The following CEP164 variants were observed in gnomAD, a reference collection of about 807,000 sequenced individuals.
The protein encoded by CEP164 is centrosomal protein of 164 kDa.
Under a neutral mutation model 182.7 loss-of-function variants are expected in CEP164, and 162 were observed. That is an observed-to-expected ratio of 0.89 (90% CI 0.78 to 1.01). The LOEUF is 1.01. CEP164 is among the 50% of genes least tolerant of loss of function. The probability of loss-of-function intolerance (pLI) is 0.00; values close to 1 mark genes in which losing one functional copy is unlikely to be tolerated. For missense variants in CEP164, 1,735 were observed against 1,790.4 expected (o/e 0.97, Z 0.56); for synonymous variants, 661 against 690.0 (o/e 0.96, Z 0.66).
chr11:117,393,711 G>A (rs2045036249), intron 20 of CEP164, among the ~76,000 whole-genome samples: 1 of 152,204 alleles, frequency 6.6e-6, no homozygotes, highest in Non-Finnish European at 1.5e-5. Flanking sequence ...AACATCTTGG[G>A]ACACCAAGAA....
At chr11:117,356,098 A>G in intron 5 of CEP164, 1 of 1,064,716 alleles carries the variant, frequency 9.4e-7, no homozygotes, top group South Asian at 2.7e-5. Flanking sequence ...TGCAGAGCTC[A>G]CGGGGATCTG....
At chr11:117,402,074 A>G (rs2046204611) in intron 27 of CEP164, among the ~76,000 whole-genome samples, 1 of 151,746 alleles carries the variant, frequency 6.6e-6, no homozygotes, top group South Asian at 2.1e-4. Context: ...TAGGGTGTCG[A>G]TTTTAGATCT....
chr11:117,352,515 C>A (rs1183973748), intron 5 of CEP164, among the ~76,000 whole-genome samples: 1 of 152,190 alleles, frequency 6.6e-6, no homozygotes, highest in Admixed American at 6.5e-5. Flanking sequence ...TGGGCTTTAT[C>A]TACTCATCTA....
chr11:117,369,026 C>G (rs923009525), intron 8 of CEP164, among the ~76,000 whole-genome samples: 1 of 152,176 alleles, frequency 6.6e-6, no homozygotes, highest in Non-Finnish European at 1.5e-5. Flanking sequence ...TTTGGGCAGT[C>G]AAGGCTCATA....
chr11:117,379,676 C>A (rs992864456), intron 11 of CEP164, among the ~76,000 whole-genome samples: 12 of 151,934 alleles, frequency 7.9e-5, no homozygotes, highest in African/African-American at 2.9e-4. Context: ...GTTTGCTATC[C>A]CATTTTATAC....
In CEP164 at chr11:117,344,246, G is replaced by A. The variant is rs754168748; in HGVS notation, c.163G>A (p.Val55Met). The change falls in exon 4 of 33, where the codon GTG becomes ATG. Residue 55 changes from valine (V) to methionine (M), a missense_variant. Transcript: ENST00000278935. ...GATGTGGCTGGCGCGAGAGGGCATCGTGGCCCCACTGCCTGGAGAGTGGAA... is the reference window on the plus strand; with the variant it reads ...GATGTGGCTGGCGCGAGAGGGCATCATGGCCCCACTGCCTGGAGAGTGGAA... ...ELMWLAREGI[V>M]APLPGEWKPC... The A allele has an allele frequency of 3.7e-6, 6 of 1,613,224 alleles. No individual in the cohort carries two copies. The highest frequency in any genetic ancestry group is 1.1e-5 in the South Asian group (1 of 90,902).
chr11:117,335,531 G>A (rs1308340992), intron 1 of CEP164, 74 bp from the exon 2 acceptor site: 1 of 150,616 alleles, frequency 6.6e-6, no homozygotes, highest in African/African-American at 2.5e-5. Context: ...CTTGGAATAG[G>A]TTCAGAGTCT....
At chr11:117,401,134 A>G (rs1002480286) in intron 27 of CEP164, among the ~76,000 whole-genome samples, 1 of 152,138 alleles carries the variant, frequency 6.6e-6, no homozygotes, top group African/African-American at 2.4e-5. Flanking sequence ...TGTCATAAAT[A>G]GCTCTTATTA....
chr11:117,367,331 C>T (rs2041754950), intron 8 of CEP164, among the ~76,000 whole-genome samples: 1 of 152,228 alleles, frequency 6.6e-6, no homozygotes, highest in South Asian at 2.1e-4. Context: ...AGTTAGTCAA[C>T]ATGGTGCAGA....
Position 117,408,922 on chromosome 11 carries a change from C to T in CEP164, c.3642C>T (p.Pro1214=), listed in dbSNP as rs1372168625. The T allele has an allele frequency of 1.2e-6, 2 of 1,614,110 alleles. No individual in the cohort carries two copies. Among genetic ancestry groups the T allele is most frequent in the Non-Finnish European group, 1.7e-6 (2 of 1,180,010 alleles). ...ASDEGTLGGS[P]TKKAVTFDLS... ...ATGAGGGCACTCTGGGAGGATCCCC[C>T]ACCAAGAAGGCAGTAACCTTCGACC... is the stretch of plus-strand genomic sequence containing the variant. The change falls in exon 29 of 33, where the codon CCC becomes CCT. Residue 1214 remains proline (P), a synonymous_variant. Transcript: ENST00000278935.
intron 27 of CEP164, among the ~76,000 whole-genome samples, chr11:117,399,755 T>A (rs1318161891): frequency 1.3e-5 from 2 of 152,114 alleles, no homozygotes; most frequent in Middle Eastern, 3.2e-3. Flanking sequence ...GCTTTTTTTT[T>A]ATGTGTTTGT....
At position 117,411,606 on chromosome 11, in the gene CEP164, C is replaced by T; in HGVS notation, c.4164-189C>T. The T allele has an allele frequency of 1.4e-6, 1 of 726,914 alleles. No individual in the cohort carries two copies. Among genetic ancestry groups the T allele is most frequent in the Middle Eastern group, 4.3e-4 (1 of 2,338 alleles). 45.0% of individuals were successfully genotyped at this position (726,914 alleles called of 1,614,324 possible). On this transcript the variant is annotated intron_variant, in intron 31 of 32. Transcript: ENST00000278935. The surrounding 1 kb of genome is among the most constrained non-coding windows in gnomAD (Gnocchi z 4.4). ...GCAAGGGGGCAGAGGGCCTCCACCA[C>T]TTTCCCGTTTGGGAACTGTTCTGGA...
intron 5 of CEP164, chr11:117,356,116 T>C: frequency 9.5e-7 from 1 of 1,050,484 alleles, no homozygotes; most frequent in Non-Finnish European, 1.2e-6. Flanking sequence ...CTGAGGAGGG[T>C]ATGGCTCAGT....
At chr11:117,342,995 C>T (rs1327353121) in intron 3 of CEP164, among the ~76,000 whole-genome samples, 1 of 152,088 alleles carries the variant, frequency 6.6e-6, no homozygotes, top group Non-Finnish European at 1.5e-5. Context: ...CCCACCTCAG[C>T]TTCCTGGGTA....
At position 117,409,800 on chromosome 11, in the gene CEP164, A is replaced by AC; in HGVS notation, c.3936dup (p.Thr1313HisfsTer77). 3.5e-6 allele frequency: 2 copies of AC among 565,916 alleles called. No individual in the cohort carries two copies. Among genetic ancestry groups the AC allele is most frequent in the South Asian group, 2.3e-5 (1 of 44,136 alleles). The allele number at this position is 565,916 out of a possible 1,614,324, so 35.1% of individuals were successfully genotyped here. On this transcript the variant is annotated frameshift_variant, in exon 30 of 33. Coordinates refer to ENST00000278935, the MANE Select transcript of CEP164 (RefSeq NM_014956.5). LOFTEE classifies it high-confidence loss of function. This position sits in a 1 kb window ranked among gnomAD's most constrained non-coding sequence, Gnocchi z 4.4. The stretch of plus-strand genomic sequence containing the variant: ...TCCCCGGGACCCTAAGAGCACCCCC[A>AC]CCCCCACCTACTATGGCTCCCTGGC...
intron 5 of CEP164, among the ~76,000 whole-genome samples, chr11:117,354,120 A>C (rs2135496258): frequency 6.6e-6 from 1 of 151,772 alleles, no homozygotes; most frequent in South Asian, 2.1e-4. Flanking sequence ...GGGTTCAAGC[A>C]ATTCTCGTCC....
intron 11 of CEP164, 47 bp downstream of exon 11, chr11:117,375,838 C>T: frequency 6.3e-7 from 1 of 1,576,544 alleles, no homozygotes; most frequent in Non-Finnish European, 8.7e-7. Context: ...CATTTTCCCT[C>T]ACAACTTTTT....
upstream of CEP164, among the ~76,000 whole-genome samples, chr11:117,322,932 A>G (rs1382994452): frequency 1.3e-5 from 2 of 151,882 alleles, no homozygotes; most frequent in Admixed American, 1.3e-4. Flanking sequence ...TGCCCAGCTA[A>G]TTATTTGTAT....
chr11:117,348,138 T>C (rs1451501505), intron 4 of CEP164, among the ~76,000 whole-genome samples: 1 of 152,036 alleles, frequency 6.6e-6, no homozygotes, highest in Admixed American at 6.6e-5. Flanking sequence ...CCTGGCTAAT[T>C]TTTGTATTTT....
Sources: gnomAD v4.1 joint callset for allele counts (sites outside exome capture counted in the v4.1 genomes callset) on GRCh38, gnomAD v4.1.1 for gene constraint, Gnocchi (gnomAD v3.1) non-coding constraint, MANE v1.5 for transcripts, NCBI Gene and HGNC (gene_info 2026-07-23, HGNC 2026-07-21) for gene names.